RASA3: variants seen among roughly 807,000 people sequenced by gnomAD.
RASA3 encodes the protein RAS p21 protein activator 3.
In RASA3, 73 loss-of-function variants were observed where a neutral mutation model predicts 110.0. The ratio of observed to expected loss-of-function variants is 0.66; its 90% confidence interval spans 0.55 to 0.81. The LOEUF (loss-of-function observed/expected upper bound fraction) is 0.81, where lower values mean the gene tolerates loss of function less well. RASA3 is among the 30% of genes least tolerant of loss of function. The pLI is 0.00. For missense variants in RASA3, 976 were observed against 1,113.2 expected (o/e 0.88, Z 1.75); for synonymous variants, 500 against 451.4 (o/e 1.11, Z -1.37).
intron 18 of RASA3, among the ~76,000 whole-genome samples, chr13:114,002,236 A>T (rs766592497): frequency 6.6e-6 from 1 of 152,196 alleles, no homozygotes; most frequent in Non-Finnish European, 1.5e-5. Flanking sequence ...AATCGGAAAG[A>T]GGGGCTTTGA....
Position 113,996,515 on chromosome 13 carries a change from C to A in RASA3, c.2141+16G>T. ...CCTGCACAGTGCACGAGCTGGGCAC[C>A]GAGGCACAGACCTACCCAGTGCAGG... On this transcript the variant is annotated intron_variant, in intron 21 of 23. Transcript: ENST00000334062. The A allele has an allele frequency of 1.2e-6, 2 of 1,608,156 alleles. No individual in the cohort carries two copies. The highest frequency in any genetic ancestry group is 1.7e-6 in the Non-Finnish European group (2 of 1,177,578).
chr13:114,034,286 T>A (rs967862070), intron 4 of RASA3, among the ~76,000 whole-genome samples: 1 of 152,230 alleles, frequency 6.6e-6, no homozygotes, highest in Non-Finnish European at 1.5e-5. Flanking sequence ...GCGCAAACTC[T>A]CTCAGGACAG....
chr13:114,034,982 A>C (rs1319513587), intron 4 of RASA3, among the ~76,000 whole-genome samples: 2 of 151,092 alleles, frequency 1.3e-5, no homozygotes, highest in African/African-American at 4.9e-5. Flanking sequence ...CTGAGCTTAG[A>C]GCAGAAGGGA....
chr13:114,053,313 G>A (rs192813472), intron 2 of RASA3, among the ~76,000 whole-genome samples: 111 of 152,366 alleles, frequency 7.3e-4, no homozygotes, highest in African/African-American at 2.5e-3. Flanking sequence ...TAAAGAAGCA[G>A]AAGCCAGTGG....
rs2080235692 is a variant in RASA3 at position 114,112,769 on chromosome 13, C to A, written c.55+19666G>T. Among the ~76,000 whole-genome samples, 1 of 152,088 alleles carries A rather than the reference C, an allele frequency of 6.6e-6. No individual in the cohort carries two copies. The highest frequency in any genetic ancestry group is 2.4e-5 in the African/African-American group (1 of 41,428). On this transcript the variant is annotated intron_variant, in intron 1 of 23. Transcript: ENST00000334062. This position sits in a 1 kb window ranked among gnomAD's most constrained non-coding sequence, Gnocchi z 4.8. ...CTGCCAGCGTCCACTCCCCGTGGGG[C>A]CGCAGGGTACACCAACATCTGAGGC... is the stretch of plus-strand genomic sequence containing the variant.
chr13:114,017,184 G>C, intron 12 of RASA3, 53 bp downstream of exon 12: 27 of 1,517,942 alleles, frequency 1.8e-5, no homozygotes, highest in East Asian at 4.5e-5. Flanking sequence ...CCTCTGTTGG[G>C]GGAAATCCTC....
Position 114,011,660 on chromosome 13 carries a change from C to A in RASA3, c.1513-412G>T, listed in dbSNP as rs543730098. Among the ~76,000 whole-genome samples the A allele has an allele frequency of 5.9e-4, 90 of 152,084 alleles. No homozygotes were observed. Among genetic ancestry groups the A allele is most frequent in the African/African-American group, 2.1e-3 (88 of 41,478 alleles). On this transcript the variant is annotated intron_variant, in intron 15 of 23. Coordinates refer to ENST00000334062, the MANE Select transcript of RASA3 (RefSeq NM_007368.4). The surrounding 1 kb of genome is among the most constrained non-coding windows in gnomAD (Gnocchi z 4.8). ...GCTGGGGGCCGGGCTTGGTGGCTCACGCCTGTAATCCCAGCACTTCGGGAG... is the reference window on the plus strand; with the variant it reads ...GCTGGGGGCCGGGCTTGGTGGCTCAAGCCTGTAATCCCAGCACTTCGGGAG...
chr13:114,060,614 C>T (rs536188890), intron 2 of RASA3, among the ~76,000 whole-genome samples: 2 of 152,360 alleles, frequency 1.3e-5, no homozygotes, highest in South Asian at 4.1e-4. Flanking sequence ...CCTGCGGGGA[C>T]GCGAAGGGCC....
At chr13:114,051,063 C>A (rs9525353) in intron 3 of RASA3, among the ~76,000 whole-genome samples, 4 of 152,206 alleles carry the variant, frequency 2.6e-5, no homozygotes, top group Admixed American at 6.5e-5. Context: ...TCAGATGGAC[C>A]GGGACCCCGC....
At chr13:113,995,835 GGGGGGCCCGGCTGAC>G (rs2053233862) in intron 21 of RASA3, among the ~76,000 whole-genome samples, 1 of 32,928 alleles carries the variant, frequency 3.0e-5, no homozygotes, top group Non-Finnish European at 5.3e-5. Flanking sequence ...CCCGGCTGAC[GGGGGGCCCGGCTGAC>G]GGGGGGCCCG....
intron 3 of RASA3, among the ~76,000 whole-genome samples, chr13:114,043,253 T>TCC (rs1284199216): frequency 6.6e-6 from 1 of 151,932 alleles, no homozygotes; most frequent in African/African-American, 2.4e-5. Context: ...GTGCGGAAGG[T>TCC]GGAAAGAGGC....
At chr13:114,061,726 C>G (rs1427781761) in intron 2 of RASA3, among the ~76,000 whole-genome samples, 1 of 151,812 alleles carries the variant, frequency 6.6e-6, no homozygotes, top group Admixed American at 6.6e-5. Context: ...GCTTTGAAAT[C>G]TATACTAGCC....
intron 2 of RASA3, among the ~76,000 whole-genome samples, chr13:114,070,735 G>A (rs1443289455): frequency 2.1e-4 from 29 of 138,754 alleles, no homozygotes; most frequent in Non-Finnish European, 7.7e-5. Flanking sequence ...CAGGGCTGCC[G>A]GCGTCCACGC....
At chr13:113,990,169 C>T (rs531237689) in intron 22 of RASA3, among the ~76,000 whole-genome samples, 2 of 152,294 alleles carry the variant, frequency 1.3e-5, no homozygotes, top group African/African-American at 2.4e-5. Flanking sequence ...GCCTCCCCAA[C>T]CATGCTTCCT....
intron 16 of RASA3, among the ~76,000 whole-genome samples, chr13:114,010,947 C>A (rs1293181810): frequency 2.6e-5 from 4 of 152,050 alleles, no homozygotes; most frequent in Non-Finnish European, 5.9e-5. Context: ...CGGCGACGAG[C>A]CACAGGCTCC....
At position 114,101,922 on chromosome 13, in the gene RASA3, T is replaced by C. The variant is rs555667060; in HGVS notation, c.56-28085A>G. 1.6e-4 allele frequency among the ~76,000 whole-genome samples: 25 copies of C among 152,238 alleles called. 1 individual carries two copies. The South Asian group carries it at 5.2e-3, about 32-fold the overall frequency. Reference sequence around the variant, plus strand: ...AAGGAAATCAACTCACCCTGGACCATGGCATAAAGACAGACGGGGCCCTCT... The same window carrying C: ...AAGGAAATCAACTCACCCTGGACCACGGCATAAAGACAGACGGGGCCCTCT... On this transcript the variant is annotated intron_variant, in intron 1 of 23. Transcript: ENST00000334062.
chr13:114,027,933 G>A lies in RASA3; in HGVS notation c.450-6C>T, dbSNP rs748443474. 6.2e-6 allele frequency: 10 copies of A among 1,608,826 alleles called. No individual in the cohort carries two copies. The highest frequency in any genetic ancestry group is 6.0e-6 in the Non-Finnish European group (7 of 1,175,870). On this transcript the variant is annotated splice_region_variant and splice_polypyrimidine_tract_variant and intron_variant, in intron 5 of 23. Transcript: ENST00000334062. ...GGCCCTGGCACTCGACGATGCTGAG[G>A]AGAGAAGCAGAGGCGGCGTCAGGAG...
At chr13:114,061,897 C>T (rs942828629) in intron 2 of RASA3, among the ~76,000 whole-genome samples, 1 of 152,074 alleles carries the variant, frequency 6.6e-6, no homozygotes, top group Non-Finnish European at 1.5e-5. Flanking sequence ...CAACAGGGGA[C>T]GTGTCTGCAC....
chr13:114,109,019 C>T (rs538500829), intron 1 of RASA3, among the ~76,000 whole-genome samples: 11 of 152,312 alleles, frequency 7.2e-5, no homozygotes, highest in Non-Finnish European at 1.2e-4. Context: ...CCTCTCCACT[C>T]GGCCCCCTCC....
Sources: allele counts gnomAD v4.1 joint callset (sites outside exome capture counted in the v4.1 genomes callset), GRCh38; gene constraint gnomAD v4.1.1; non-coding constraint Gnocchi (gnomAD v3.1); transcripts MANE v1.5; gene names NCBI Gene and HGNC (gene_info 2026-07-23, HGNC 2026-07-21).